The following EPHA6 variants were observed in gnomAD, a reference collection of about 807,000 sequenced individuals.
EPHA6 encodes the protein EPH receptor A6.
A neutral mutation model predicts 112.0 loss-of-function variants in EPHA6; 50 were observed. That is an observed-to-expected ratio of 0.45 (90% CI 0.36 to 0.56). The LOEUF is 0.56. Among genes scored for constraint, EPHA6 ranks in the 20% least tolerant of loss-of-function variants. EPHA6 has a pLI of 0.00. For missense variants in EPHA6, 1,280 were observed against 1,417.4 expected, an observed-to-expected ratio of 0.90 and a Z score of 1.56; for synonymous variants, 529 against 490.7, an observed-to-expected ratio of 1.08 and a Z score of -1.03.
At chr3:97,563,564 T>C (rs926694426) in intron 11 of EPHA6, among the ~76,000 whole-genome samples, 6 of 152,182 alleles carry the variant, frequency 3.9e-5, no homozygotes, top group Non-Finnish European at 7.3e-5. Context: ...GATGTATACG[T>C]TCAAACCATC....
At chr3:96,935,093 T>A (rs1182825447) in intron 2 of EPHA6, among the ~76,000 whole-genome samples, 1 of 151,832 alleles carries the variant, frequency 6.6e-6, no homozygotes, top group Non-Finnish European at 1.5e-5. Context: ...AGATTAATGG[T>A]TACTGTTTTA....
intron 3 of EPHA6, among the ~76,000 whole-genome samples, chr3:97,192,385 G>A (rs557484116): frequency 2.6e-5 from 4 of 152,148 alleles, no homozygotes; most frequent in South Asian, 2.1e-4. Context: ...CACTTGCCTC[G>A]GCCTGCAAAG....
intron 5 of EPHA6, among the ~76,000 whole-genome samples, chr3:97,293,117 G>A (rs1027701371): frequency 2.6e-5 from 4 of 151,060 alleles, no homozygotes; most frequent in Non-Finnish European, 4.4e-5. Flanking sequence ...TCTCAGTGGA[G>A]CAGAGACTCA....
At chr3:97,479,464 A>T in intron 9 of EPHA6, 100 bp downstream of exon 9, 1 of 746,290 alleles carries the variant, frequency 1.3e-6, no homozygotes, top group Non-Finnish European at 2.0e-6. Flanking sequence ...AAAGAAAAAA[A>T]AAATCACTTC....
At chr3:97,471,655 G>A (rs945190032) in intron 7 of EPHA6, among the ~76,000 whole-genome samples, 11 of 151,700 alleles carry the variant, frequency 7.3e-5, no homozygotes, top group Admixed American at 4.0e-4. Context: ...CTCTCTTCAC[G>A]TACATTGTAT....
intron 3 of EPHA6, among the ~76,000 whole-genome samples, chr3:97,076,802 T>C (rs2046542204): frequency 6.6e-6 from 1 of 152,102 alleles, no homozygotes; most frequent in African/African-American, 2.4e-5. Context: ...TCTAGGACCC[T>C]TAAGAATTAT....
intron 2 of EPHA6, among the ~76,000 whole-genome samples, chr3:96,935,020 G>T (rs913973798): frequency 1.6e-4 from 24 of 151,266 alleles, no homozygotes; most frequent in Admixed American, 4.0e-4. Context: ...TCAAATATTG[G>T]TTCTCTAATG....
chr3:96,993,298 C>CT (rs534627735), intron 3 of EPHA6, among the ~76,000 whole-genome samples: 3,034 of 141,032 alleles, frequency 0.022, 82 homozygotes, highest in African/African-American at 0.065. Flanking sequence ...ATCCCCCATT[C>CT]TTTTTTTTTT....
intron 5 of EPHA6, among the ~76,000 whole-genome samples, chr3:97,262,782 A>G (rs962585070): frequency 6.6e-6 from 1 of 152,136 alleles, no homozygotes; most frequent in African/African-American, 2.4e-5. Context: ...GTCTCCCATC[A>G]ACTTTAATGT....
intron 10 of EPHA6, among the ~76,000 whole-genome samples, chr3:97,527,829 TGA>T (rs1270228437): frequency 6.6e-6 from 1 of 152,114 alleles, no homozygotes; most frequent in Non-Finnish European, 1.5e-5. Flanking sequence ...TTCTCAGTGA[TGA>T]AGAAGAACTT....
intron 5 of EPHA6, among the ~76,000 whole-genome samples, chr3:97,253,608 A>G (rs2079208078): frequency 1.3e-5 from 2 of 152,154 alleles, no homozygotes. Context: ...TCTTTTATTA[A>G]AGCAAGTAAA....
At chr3:97,259,697 A>C (rs1029695014) in intron 5 of EPHA6, among the ~76,000 whole-genome samples, 3 of 152,238 alleles carry the variant, frequency 2.0e-5, no homozygotes, top group African/African-American at 7.2e-5. Context: ...AGAAGTAAGA[A>C]AGGAAGAGAG....
At chr3:96,976,498 A>C (rs1312436293) in intron 2 of EPHA6, among the ~76,000 whole-genome samples, 2 of 152,206 alleles carry the variant, frequency 1.3e-5, no homozygotes, top group Non-Finnish European at 2.9e-5. Flanking sequence ...ATGACGTTAA[A>C]AAAAGGCTTT....
At chr3:96,875,191 C>T (rs2036872657) in intron 2 of EPHA6, among the ~76,000 whole-genome samples, 1 of 151,934 alleles carries the variant, frequency 6.6e-6, no homozygotes, top group Non-Finnish European at 1.5e-5. Flanking sequence ...CATGAAAGAT[C>T]GTGGAAGGTA....
intron 3 of EPHA6, among the ~76,000 whole-genome samples, chr3:97,083,332 G>A (rs115404337): frequency 0.01 from 1,584 of 151,888 alleles, 22 homozygotes; most frequent in African/African-American, 0.036. Context: ...TTCCAATATC[G>A]CTTTTTGTTT....
Position 97,748,624 on chromosome 3 carries a change from C to T in EPHA6, c.3316C>T (p.Gln1106Ter). 1 of 1,611,734 alleles carries T rather than the reference C, an allele frequency of 6.2e-7. No homozygotes were observed. The highest frequency in any genetic ancestry group is 8.5e-7 in the Non-Finnish European group (1 of 1,178,228). ...AATTGGAGTCATACTTATTGGACAC[C>T]AGAGACGAATAGTCAGCAGCATACA... Reference protein sequence around the residue: ...RRIGVILIGHQRRIVSSIQTL... With the variant: ...RRIGVILIGH Residue 1106 changes from glutamine to a stop codon, truncating the protein, a stop_gained, in exon 18 of 18, where the codon CAG becomes TAG. Coordinates refer to ENST00000389672, the MANE Select transcript of EPHA6 (RefSeq NM_001080448.3). LOFTEE classifies it high-confidence loss of function.
At chr3:96,892,860 C>T (rs1417667516) in intron 2 of EPHA6, among the ~76,000 whole-genome samples, 1 of 151,914 alleles carries the variant, frequency 6.6e-6, no homozygotes, top group East Asian at 1.9e-4. Context: ...GATAAATTAT[C>T]AGTAACATAT....
At chr3:97,677,121 T>G (rs777155255) in intron 14 of EPHA6, among the ~76,000 whole-genome samples, 15 of 152,192 alleles carry the variant, frequency 9.9e-5, no homozygotes, top group Non-Finnish European at 1.9e-4. Flanking sequence ...TGGAAAAGCT[T>G]CAGTGTGTAA....
In EPHA6 at chr3:97,754,792, C is replaced by T. The variant is rs1019997832; in HGVS notation, c.*6091C>T. On this transcript the variant is annotated 3_prime_UTR_variant, in exon 18 of 18. Coordinates refer to ENST00000389672, the MANE Select transcript of EPHA6 (RefSeq NM_001080448.3). ...GATCTCGGCTCACTGCTAACTCCGC[C>T]TCCCGGGTTCACGCCATTCTCCTGC... Among the ~76,000 whole-genome samples, 1 of 152,196 alleles carries T rather than the reference C, an allele frequency of 6.6e-6. No individual in the cohort carries two copies. The highest frequency in any genetic ancestry group is 2.4e-5 in the African/African-American group (1 of 41,466).
Sources: allele counts gnomAD v4.1 joint callset (sites outside exome capture counted in the v4.1 genomes callset), GRCh38; gene constraint gnomAD v4.1.1; transcripts MANE v1.5; gene names NCBI Gene and HGNC (gene_info 2026-07-23, HGNC 2026-07-21).